The following GRM8 variants were observed in gnomAD, a reference collection of about 807,000 sequenced individuals.
GRM8 encodes glutamate metabotropic receptor 8.
In GRM8, 47 loss-of-function variants were observed where a neutral mutation model predicts 87.2. The observed-to-expected ratio is 0.54, with a 90% confidence interval of 0.43 to 0.69. The LOEUF is 0.69. GRM8 is among the 30% of genes least tolerant of loss of function. The probability of loss-of-function intolerance (pLI) is 0.00; values close to 1 mark genes in which losing one functional copy is unlikely to be tolerated. For synonymous variants in GRM8, 396 were observed against 404.5 expected (o/e 0.98, Z 0.25); for missense variants, 1,019 against 1,139.2 (o/e 0.89, Z 1.52).
At chr7:127,136,440 T>A (rs1285624333) in intron 2 of GRM8, among the ~76,000 whole-genome samples, 1 of 152,152 alleles carries the variant, frequency 6.6e-6, no homozygotes, top group East Asian at 1.9e-4. Context: ...TCCATAATAG[T>A]ACCATTCAAC....
chr7:127,162,643 A>G (rs1172028686), intron 2 of GRM8, among the ~76,000 whole-genome samples: 1 of 152,190 alleles, frequency 6.6e-6, no homozygotes, highest in Non-Finnish European at 1.5e-5. Flanking sequence ...TCTGGATTTT[A>G]TAACCCTTGC....
intron 6 of GRM8, among the ~76,000 whole-genome samples, chr7:126,854,693 C>G (rs1797520943): frequency 6.6e-6 from 1 of 152,166 alleles, no homozygotes; most frequent in Non-Finnish European, 1.5e-5. Flanking sequence ...AGCTGTTAAA[C>G]CAAAAGTAAT....
intron 8 of GRM8, among the ~76,000 whole-genome samples, chr7:126,605,325 T>C (rs2151087997): frequency 6.6e-6 from 1 of 152,304 alleles, no homozygotes; most frequent in Middle Eastern, 3.4e-3. Context: ...GCCTCATGTG[T>C]GGGCCGAGAT....
intron 9 of GRM8, among the ~76,000 whole-genome samples, chr7:126,465,799 T>G (rs899915568): frequency 6.6e-6 from 1 of 151,862 alleles, no homozygotes; most frequent in Non-Finnish European, 1.5e-5. Flanking sequence ...TTTTTTCTTT[T>G]TATTGTCTTG....
chr7:126,464,096 CTAT>C (rs1176489947), intron 9 of GRM8, among the ~76,000 whole-genome samples: 1 of 151,502 alleles, frequency 6.6e-6, no homozygotes, highest in Non-Finnish European at 1.5e-5. Flanking sequence ...TGCCCATTTT[CTAT>C]TGAGTCATTT....
chr7:127,169,637 T>G (rs1018274430), intron 2 of GRM8, among the ~76,000 whole-genome samples: 1 of 152,214 alleles, frequency 6.6e-6, no homozygotes, highest in Admixed American at 6.5e-5. Flanking sequence ...GAAAGCTCAA[T>G]GCTTGGCTTC....
chr7:126,768,873 T>C (rs900578368), intron 7 of GRM8, among the ~76,000 whole-genome samples: 6 of 149,534 alleles, frequency 4.0e-5, no homozygotes, highest in Admixed American at 1.3e-4. Context: ...CCACAGACGA[T>C]GTGTGTTGAA....
chr7:126,664,455 C>G (rs1169868595), intron 7 of GRM8, among the ~76,000 whole-genome samples: 1 of 152,018 alleles, frequency 6.6e-6, no homozygotes, highest in Admixed American at 6.6e-5. Flanking sequence ...ACTAATGTAA[C>G]AGAATAGGAA....
intron 3 of GRM8, among the ~76,000 whole-genome samples, chr7:127,034,682 C>T (rs908215576): frequency 5.9e-5 from 9 of 152,168 alleles, no homozygotes; most frequent in Middle Eastern, 3.2e-3. Context: ...TGACCTTACA[C>T]AAATTCAGTG....
intron 3 of GRM8, among the ~76,000 whole-genome samples, chr7:127,054,003 G>T (rs967755421): frequency 1.3e-5 from 2 of 151,966 alleles, no homozygotes; most frequent in Non-Finnish European, 1.5e-5. Flanking sequence ...TTCTTAACTG[G>T]TATAGGTTTA....
At chr7:126,806,154 A>C (rs1792672434) in intron 6 of GRM8, among the ~76,000 whole-genome samples, 1 of 152,050 alleles carries the variant, frequency 6.6e-6, no homozygotes, top group Non-Finnish European at 1.5e-5. Flanking sequence ...GTTCCTTCAG[A>C]TGTTCAGATG....
intron 8 of GRM8, among the ~76,000 whole-genome samples, chr7:126,568,443 C>T (rs917569216): frequency 6.6e-6 from 1 of 152,080 alleles, no homozygotes; most frequent in African/African-American, 2.4e-5. Context: ...ACCTGATTAG[C>T]ATACAAAACA....
intron 7 of GRM8, among the ~76,000 whole-genome samples, chr7:126,742,965 G>A (rs1329269292): frequency 2.0e-5 from 3 of 152,098 alleles, no homozygotes; most frequent in South Asian, 2.1e-4. Flanking sequence ...TTCCCCAACA[G>A]AGGCTGACCC....
At chr7:127,201,742 T>C (rs887812231) in intron 2 of GRM8, among the ~76,000 whole-genome samples, 4 of 152,206 alleles carry the variant, frequency 2.6e-5, no homozygotes, top group African/African-American at 9.7e-5. Context: ...GGACTTTCAT[T>C]TATTCTTCTC....
intron 3 of GRM8, among the ~76,000 whole-genome samples, chr7:126,993,574 A>T (rs1250830808): frequency 6.6e-6 from 1 of 152,238 alleles, no homozygotes; most frequent in Non-Finnish European, 1.5e-5. Flanking sequence ...CAGAGGAACT[A>T]AATGGGTAGG....
chr7:126,607,629 G>T (rs1432659980), intron 8 of GRM8, among the ~76,000 whole-genome samples: 3 of 151,948 alleles, frequency 2.0e-5, no homozygotes, highest in Non-Finnish European at 2.9e-5. Context: ...AACAGAAGAA[G>T]AATATTTTCC....
chr7:127,188,604 ATAC>A (rs747500860), intron 2 of GRM8, among the ~76,000 whole-genome samples: 5 of 152,322 alleles, frequency 3.3e-5, no homozygotes, highest in African/African-American at 7.2e-5. Flanking sequence ...CTTTGTACAT[ATAC>A]TACATTTGAC....
intron 6 of GRM8, among the ~76,000 whole-genome samples, chr7:126,868,256 C>A (rs1439003722): frequency 6.6e-6 from 1 of 152,220 alleles, no homozygotes; most frequent in Admixed American, 6.5e-5. Context: ...AACACGGCAA[C>A]CCCAACCCAA....
At chr7:126,882,205 A>G (rs1800084662) in intron 6 of GRM8, among the ~76,000 whole-genome samples, 1 of 151,964 alleles carries the variant, frequency 6.6e-6, no homozygotes, top group South Asian at 2.1e-4. Context: ...GTACACAAAC[A>G]GGTTTTTTTT....
Sources: gnomAD v4.1 joint callset for allele counts (sites outside exome capture counted in the v4.1 genomes callset) on GRCh38, gnomAD v4.1.1 for gene constraint, MANE v1.5 for transcripts, NCBI Gene and HGNC (gene_info 2026-07-23, HGNC 2026-07-21) for gene names.